Variants in RP1 observed in about 807,000 individuals in gnomAD.
RP1 encodes the protein RP1 axonemal microtubule associated.
RP1 carries 16 observed loss-of-function variants against 14.8 expected under a neutral mutation model. The observed-to-expected ratio is 1.08, with a 90% CI of 0.73 to 1.65. The LOEUF is 1.65. RP1 is among the 40% of genes most tolerant of loss of function. The pLI is 0.00. For synonymous variants in RP1, 876 were observed against 883.6 expected (o/e 0.99, Z 0.15); for missense variants, 2,631 against 2,535.0 (o/e 1.04, Z -0.81).
chr8:54,587,569 G>A (rs1804960679), intron 1 of RP1, among the ~76,000 whole-genome samples: 1 of 152,190 alleles, frequency 6.6e-6, no homozygotes, highest in South Asian at 2.1e-4. Context: ...GCTAAGAAAG[G>A]CCAAGGCAAG....
intron 24 of RP1, among the ~76,000 whole-genome samples, chr8:54,815,541 T>C (rs187117858): frequency 1.3e-5 from 2 of 152,356 alleles, no homozygotes; most frequent in East Asian, 1.9e-4. Context: ...AATATTAAGA[T>C]AGATTACAAA....
Position 54,627,724 on chromosome 8 carries a change from T to C in RP1, c.3842T>C (p.Phe1281Ser), listed in dbSNP as rs1415715772. The change falls in exon 4 of 4, where the codon TTT becomes TCT. Residue 1281 changes from phenylalanine (F) to serine (S), a missense_variant. By Grantham distance (155) the Phe-to-Ser change is radical. Transcript: ENST00000220676. ...ACATGTAACCCCAGTGACACTTTTT[T>C]TCCTAGTGATGGTTATGGTGTGGAT... ...KETCNPSDTF[F>S]PSDGYGVDQT... The C allele has an allele frequency of 6.2e-7, 1 of 1,614,056 alleles. No individual in the cohort carries two copies. The highest frequency in any genetic ancestry group is 8.5e-7 in the Non-Finnish European group (1 of 1,179,998).
At chr8:54,686,038 T>C (rs72650340) in intron 12 of RP1, among the ~76,000 whole-genome samples, 45,511 of 152,064 alleles carry the variant, frequency 0.3, 8,321 homozygotes, top group Middle Eastern at 0.48. Context: ...ATGATGCAAA[T>C]AGAAAAACTT....
chr8:54,843,731 G>A (rs144118077), intron 25 of RP1, among the ~76,000 whole-genome samples: 2 of 152,222 alleles, frequency 1.3e-5, no homozygotes, highest in Non-Finnish European at 2.9e-5. Flanking sequence ...AGAGCTCCAG[G>A]GCCCTTGTTC....
downstream of RP1, among the ~76,000 whole-genome samples, chr8:54,633,147 C>G (rs1806280814): frequency 6.6e-6 from 1 of 151,998 alleles, no homozygotes; most frequent in Admixed American, 6.6e-5. Context: ...AGGCATCCCC[C>G]AAATATTAAA....
intron 24 of RP1, among the ~76,000 whole-genome samples, chr8:54,818,909 A>G (rs147409726): frequency 6.6e-6 from 1 of 152,002 alleles, no homozygotes; most frequent in East Asian, 1.9e-4. Context: ...AGGCTTAAGT[A>G]GGGGCAGAAA....
intron 19 of RP1, among the ~76,000 whole-genome samples, chr8:54,740,503 C>T (rs1809052259): frequency 6.7e-6 from 1 of 149,332 alleles, no homozygotes; most frequent in Admixed American, 6.7e-5. Flanking sequence ...GTGGGTGGAT[C>T]ATGAGGTCAG....
chr8:54,645,461 A>G (rs1414809267), intron 3 of RP1, among the ~76,000 whole-genome samples: 1 of 152,098 alleles, frequency 6.6e-6, no homozygotes, highest in African/African-American at 2.4e-5. Context: ...ACATTTCTCT[A>G]ATGAGGAATG....
At chr8:54,792,765 C>A (rs112061356) in intron 24 of RP1, among the ~76,000 whole-genome samples, 1 of 151,650 alleles carries the variant, frequency 6.6e-6, no homozygotes, top group African/African-American at 2.4e-5. Context: ...AACAAGCTAA[C>A]TATACACTTC....
intron 15 of RP1, among the ~76,000 whole-genome samples, chr8:54,712,883 A>G (rs1808323286): frequency 6.6e-6 from 1 of 152,190 alleles, no homozygotes. Flanking sequence ...CTGGAATGAC[A>G]TTACCCTTGA....
intron 15 of RP1, among the ~76,000 whole-genome samples, chr8:54,715,704 A>G (rs949150029): frequency 6.6e-6 from 1 of 152,180 alleles, no homozygotes; most frequent in Non-Finnish European, 1.5e-5. Context: ...TTTCTTTATC[A>G]AAGAGAGGAG....
chr8:54,864,484 T>C (rs1008597218), intron 27 of RP1, among the ~76,000 whole-genome samples: 2 of 152,204 alleles, frequency 1.3e-5, no homozygotes, highest in Non-Finnish European at 2.9e-5. Context: ...ACTTTTTATT[T>C]TTTATAGCCA....
At chr8:54,639,449 C>A (rs891596636) in intron 3 of RP1, among the ~76,000 whole-genome samples, 1 of 152,034 alleles carries the variant, frequency 6.6e-6, no homozygotes, top group Non-Finnish European at 1.5e-5. Flanking sequence ...AGTGAGATTG[C>A]TAGCTTTTAT....
intron 24 of RP1, among the ~76,000 whole-genome samples, chr8:54,824,429 C>T (rs1217719654): frequency 6.6e-6 from 1 of 152,132 alleles, no homozygotes; most frequent in Non-Finnish European, 1.5e-5. Flanking sequence ...AATTTAGAAA[C>T]TCCCAGAGAA....
chr8:54,576,344 C>A (rs1010507384), intron 1 of RP1, among the ~76,000 whole-genome samples: 7 of 152,200 alleles, frequency 4.6e-5, no homozygotes, highest in Admixed American at 1.3e-4. Context: ...CGCGCCCGGC[C>A]AGAACATGTC....
chr8:54,777,991 C>G (rs1378270886), intron 23 of RP1, among the ~76,000 whole-genome samples: 1 of 152,202 alleles, frequency 6.6e-6, no homozygotes, highest in Non-Finnish European at 1.5e-5. Context: ...CTGAAATAAT[C>G]TTAATAGTAT....
chr8:54,736,994 CT>C (rs1808948192), intron 18 of RP1, among the ~76,000 whole-genome samples: 1 of 152,122 alleles, frequency 6.6e-6, no homozygotes, highest in African/African-American at 2.4e-5. Flanking sequence ...TCCCTTGTTC[CT>C]TTTCATTGGC....
chr8:54,664,928 C>T (rs1327557209), intron 7 of RP1, among the ~76,000 whole-genome samples: 1 of 152,104 alleles, frequency 6.6e-6, no homozygotes, highest in African/African-American at 2.4e-5. Context: ...ATATCCCAAA[C>T]CTCAGCATCA....
At chr8:54,796,850 A>T (rs181596797) in intron 24 of RP1, among the ~76,000 whole-genome samples, 1 of 152,350 alleles carries the variant, frequency 6.6e-6, no homozygotes, top group East Asian at 1.9e-4. Context: ...GATGCTTCAC[A>T]GAAATGAGGA....
Sources: gnomAD v4.1 joint callset for allele counts (sites outside exome capture counted in the v4.1 genomes callset) on GRCh38, gnomAD v4.1.1 for gene constraint, MANE v1.5 for transcripts, NCBI Gene and HGNC (gene_info 2026-07-23, HGNC 2026-07-21) for gene names.